Variants in PDE3B observed in about 807,000 individuals in gnomAD.
PDE3B encodes the protein cGMP-inhibited 3',5'-cyclic phosphodiesterase 3B.
A neutral mutation model predicts 116.8 loss-of-function variants in PDE3B; 66 were observed. The observed-to-expected ratio is 0.56, with a 90% confidence interval of 0.46 to 0.69. The LOEUF is 0.69. Ranked by LOEUF, PDE3B falls within the 30% of genes least tolerant of loss-of-function variation. The probability of loss-of-function intolerance (pLI) is 0.00; values close to 1 mark genes in which losing one functional copy is unlikely to be tolerated. For missense variants in PDE3B, 1,384 were observed against 1,368.1 expected, an observed-to-expected ratio of 1.01 and a Z score of -0.18; for synonymous variants, 595 against 533.6, an observed-to-expected ratio of 1.12 and a Z score of -1.59.
chr11:14,774,103 G>T (rs543932896), intron 2 of PDE3B: 8 of 152,272 alleles, frequency 5.3e-5, no homozygotes, highest in African/African-American at 1.9e-4. Flanking sequence ...CAGAATGTTG[G>T]ATTTCTTTTA....
chr11:14,885,111 T>C, the PDE3B span, among the ~76,000 whole-genome samples: 1 of 152,218 alleles, frequency 6.6e-6, no homozygotes, highest in Non-Finnish European at 1.5e-5. Context: ...TTATTTGAAA[T>C]TAAATGTGAA....
intron 1 of PDE3B, among the ~76,000 whole-genome samples, chr11:14,734,590 TTAA>T (rs1386127426): frequency 6.6e-6 from 1 of 152,222 alleles, no homozygotes; most frequent in Non-Finnish European, 1.5e-5. Flanking sequence ...TCTTCTTATA[TTAA>T]TAATATGAAG....
intron 1 of PDE3B, among the ~76,000 whole-genome samples, chr11:14,709,198 A>G (rs1419864318): frequency 2.0e-5 from 3 of 152,152 alleles, no homozygotes; most frequent in Non-Finnish European, 2.9e-5. Context: ...ACTGGAAAGA[A>G]TGAGCTGGTT....
intron 1 of PDE3B, among the ~76,000 whole-genome samples, chr11:14,725,047 A>G (rs773878481): frequency 2.0e-5 from 3 of 152,206 alleles, no homozygotes; most frequent in Non-Finnish European, 4.4e-5. Flanking sequence ...GGAAATAGAA[A>G]AGGATTATGT....
At chr11:14,806,899 G>T (rs1348720941) in intron 5 of PDE3B, among the ~76,000 whole-genome samples, 5 of 151,536 alleles carry the variant, frequency 3.3e-5, no homozygotes, top group African/African-American at 1.2e-4. Flanking sequence ...AGAAAATGTG[G>T]CACATATACA....
chr11:14,817,819 T>C (rs1859381174), intron 5 of PDE3B, among the ~76,000 whole-genome samples: 1 of 152,172 alleles, frequency 6.6e-6, no homozygotes, highest in Non-Finnish European at 1.5e-5. Flanking sequence ...GATGCTTTGC[T>C]CTTGTGGATA....
chr11:14,878,408 G>C, the PDE3B span: 1 of 1,036,392 alleles, frequency 9.6e-7, no homozygotes, highest in Non-Finnish European at 1.4e-6. Flanking sequence ...CAAAGAAAGA[G>C]GGAACTATGT....
At chr11:14,732,675 C>T (rs1307034970) in intron 1 of PDE3B, among the ~76,000 whole-genome samples, 1 of 152,132 alleles carries the variant, frequency 6.6e-6, no homozygotes, top group Non-Finnish European at 1.5e-5. Flanking sequence ...GAGATTGGTT[C>T]CAGGACTCTT....
intron 12 of PDE3B, among the ~76,000 whole-genome samples, chr11:14,847,686 G>A (rs201943100): frequency 1.3e-5 from 2 of 152,144 alleles, no homozygotes; most frequent in Non-Finnish European, 2.9e-5. Context: ...AATACAAACT[G>A]CCATCAGAGA....
intron 7 of PDE3B, among the ~76,000 whole-genome samples, chr11:14,822,346 T>C (rs544486099): frequency 1.3e-5 from 2 of 152,210 alleles, no homozygotes; most frequent in Non-Finnish European, 2.9e-5. Flanking sequence ...TGTGCACTGC[T>C]GTCATGGAGA....
intron 1 of PDE3B, among the ~76,000 whole-genome samples, chr11:14,656,126 AAAG>A (rs1261350793): frequency 6.6e-6 from 1 of 152,176 alleles, no homozygotes; most frequent in Non-Finnish European, 1.5e-5. Flanking sequence ...TGATTGGAAA[AAAG>A]GAGGTATGAA....
chr11:14,695,255 A>T (rs940202081), intron 1 of PDE3B, among the ~76,000 whole-genome samples: 2 of 152,166 alleles, frequency 1.3e-5, no homozygotes, highest in Non-Finnish European at 2.9e-5. Context: ...TACAAAATTC[A>T]TCCACATTGT....
At chr11:14,798,386 A>G (rs1482069211) in intron 4 of PDE3B, among the ~76,000 whole-genome samples, 1 of 152,076 alleles carries the variant, frequency 6.6e-6, no homozygotes, top group Non-Finnish European at 1.5e-5. Flanking sequence ...ATTGGCCTGA[A>G]ATTTTCTTTT....
chr11:14,841,363 A>AAT (rs1325862752), intron 11 of PDE3B, among the ~76,000 whole-genome samples: 5 of 147,282 alleles, frequency 3.4e-5, no homozygotes, highest in East Asian at 2.0e-4. Context: ...ATATATATAA[A>AAT]ATATATATAT....
chr11:14,881,473 A>T, the PDE3B span, among the ~76,000 whole-genome samples: 1 of 152,100 alleles, frequency 6.6e-6, no homozygotes, highest in Non-Finnish European at 1.5e-5. Context: ...TTTATGTAAC[A>T]TGTACTTTAC....
At chr11:14,685,446 C>CTT (rs71044017) in intron 1 of PDE3B, among the ~76,000 whole-genome samples, 8,330 of 86,084 alleles carry the variant, frequency 0.097, 1,445 homozygotes, top group East Asian at 0.15. Flanking sequence ...TTTTTCTCAT[C>CTT]TTTTTTTTTT....
intron 1 of PDE3B, among the ~76,000 whole-genome samples, chr11:14,762,208 T>C (rs1284223125): frequency 6.6e-6 from 1 of 151,896 alleles, no homozygotes; most frequent in Non-Finnish European, 1.5e-5. Flanking sequence ...GGTTTTGAAC[T>C]CCTGGGCTCA....
intron 1 of PDE3B, among the ~76,000 whole-genome samples, chr11:14,713,304 C>G (rs1855762875): frequency 6.6e-6 from 1 of 152,084 alleles, no homozygotes; most frequent in Non-Finnish European, 1.5e-5. Context: ...TATGTGTGAA[C>G]CTCACTGGAT....
At chr11:14,830,988 A>G in intron 8 of PDE3B, 142 bp downstream of exon 8, 1 of 412,776 alleles carries the variant, frequency 2.4e-6, no homozygotes, top group Non-Finnish European at 4.2e-6. Flanking sequence ...TATAACTGAA[A>G]TATTGCTTGG....
Sources: allele counts gnomAD v4.1 joint callset (sites outside exome capture counted in the v4.1 genomes callset), GRCh38; gene constraint gnomAD v4.1.1; transcripts MANE v1.5; gene names NCBI Gene and HGNC (gene_info 2026-07-23, HGNC 2026-07-21).